BCL11B: variants seen among roughly 807,000 people sequenced by gnomAD.
The protein encoded by BCL11B is BCL11 transcription factor B.
In BCL11B, 8 loss-of-function variants were observed where a neutral mutation model predicts 49.9. That is an observed-to-expected ratio of 0.16 (90% CI 0.09 to 0.29). The LOEUF is 0.29. Among genes scored for constraint, BCL11B ranks in the 10% least tolerant of loss-of-function variants. BCL11B has a pLI of 1.00. For missense variants in BCL11B, 1,006 were observed against 1,351.0 expected, an observed-to-expected ratio of 0.74 and a Z score of 4.00; for synonymous variants, 739 against 637.4, an observed-to-expected ratio of 1.16 and a Z score of -2.40.
intron 3 of BCL11B, among the ~76,000 whole-genome samples, chr14:99,203,548 T>TG (rs1375289881): frequency 6.6e-6 from 1 of 152,222 alleles, no homozygotes; most frequent in African/African-American, 2.4e-5. Context: ...GTCCACTGGC[T>TG]GAGCAGCATT....
At chr14:99,238,352 A>G (rs1338668144) in intron 2 of BCL11B, among the ~76,000 whole-genome samples, 1 of 152,132 alleles carries the variant, frequency 6.6e-6, no homozygotes, top group Non-Finnish European at 1.5e-5. Flanking sequence ...ACGCTTGGGC[A>G]CACCCCTTCC....
intron 2 of BCL11B, among the ~76,000 whole-genome samples, chr14:99,235,740 G>A (rs903260264): frequency 6.6e-6 from 1 of 151,656 alleles, no homozygotes; most frequent in Non-Finnish European, 1.5e-5. Context: ...GCTGGTGGAC[G>A]CTACAGCGGT....
chr14:99,197,823 C>A (rs186454970), intron 3 of BCL11B, among the ~76,000 whole-genome samples: 44 of 152,174 alleles, frequency 2.9e-4, no homozygotes, highest in African/African-American at 1.1e-3. Context: ...CACCAAGTGT[C>A]CCCCTTTCTG....
At chr14:99,269,524 C>CG (rs35131341) in intron 1 of BCL11B, among the ~76,000 whole-genome samples, 41,202 of 150,432 alleles carry the variant, frequency 0.27, 7,351 homozygotes, top group Non-Finnish European at 0.41. Flanking sequence ...TTCCCCCCCC[C>CG]CCAAAAAAAA....
chr14:99,175,206 G>GCTCCTCCTCCTC lies in BCL11B; in HGVS notation c.1618_1629dup (p.Glu540_Glu543dup). ...GGCCGGCTCTCGTTCTCCAGTAGCA[G>GCTCCTCCTCCTC]CTCCTCCTCCTCCTCCTCCTCCTCC... On this transcript the variant is annotated inframe_insertion, in exon 4 of 4. Coordinates refer to ENST00000357195, the MANE Select transcript of BCL11B (RefSeq NM_138576.4). 2 of 1,554,128 alleles carry GCTCCTCCTCCTC rather than the reference G, an allele frequency of 1.3e-6. No individual in the cohort carries two copies. Among genetic ancestry groups the GCTCCTCCTCCTC allele is most frequent in the Admixed American group, 1.9e-5 (1 of 52,506 alleles).
In BCL11B at chr14:99,175,820, G is replaced by A. The variant is rs908746461; in HGVS notation, c.1016C>T (p.Ala339Val). 14 of 1,474,264 alleles carry A rather than the reference G, an allele frequency of 9.5e-6. No individual in the cohort carries two copies. Among genetic ancestry groups the A allele is most frequent in the Non-Finnish European group, 1.3e-5 (14 of 1,119,970 alleles). The allele number at this position is 1,474,264 out of a possible 1,614,324, so 91.3% of individuals were successfully genotyped here. The change falls in exon 4 of 4, where the codon GCC becomes GTC. Residue 339 changes from alanine (A) to valine (V), a missense_variant. Ala to Val is a moderately conservative substitution (Grantham distance 64, BLOSUM62 0). Transcript: ENST00000357195. ...TCGGTCGAAGGCACTGGGGTGCTGG[G>A]CGACGAGCCCCATCTCCTCGGCACT... is the stretch of plus-strand genomic sequence containing the variant. Reference protein sequence around the residue: ...RLSAEEMGLVAQHPSAFDRVM... With the variant: ...RLSAEEMGLVVQHPSAFDRVM...
chr14:99,176,621 C>A (rs967850779), intron 3 of BCL11B, among the ~76,000 whole-genome samples: 17 of 152,218 alleles, frequency 1.1e-4, no homozygotes, highest in Non-Finnish European at 1.9e-4. Context: ...CCGAAACCAT[C>A]TAGGCCAGGG....
At chr14:99,176,231 G>A (rs747018244) in intron 3 of BCL11B, 36 bp from the exon 4 acceptor site, 3 of 1,591,528 alleles carry the variant, frequency 1.9e-6, no homozygotes, top group Non-Finnish European at 1.7e-6. Flanking sequence ...CAGAGACAGC[G>A]TGAGAAGCGG....
intron 3 of BCL11B, among the ~76,000 whole-genome samples, chr14:99,217,035 T>C (rs946066719): frequency 6.6e-6 from 1 of 152,124 alleles, no homozygotes; most frequent in African/African-American, 2.4e-5. Flanking sequence ...TCTACACATA[T>C]ACACATGCAT....
chr14:99,230,713 G>A (rs537140786), intron 3 of BCL11B, among the ~76,000 whole-genome samples: 125 of 152,264 alleles, frequency 8.2e-4, no homozygotes, highest in Middle Eastern at 3.4e-3. Flanking sequence ...AGGATGAGTC[G>A]GCACAAACAG....
intron 2 of BCL11B, among the ~76,000 whole-genome samples, chr14:99,255,406 A>G (rs7159050): frequency 2.9e-3 from 3 of 1,032 alleles, no homozygotes; most frequent in East Asian, 0.02. Context: ...CACAACCTGG[A>G]AAAAAAAAAA....
intron 3 of BCL11B, among the ~76,000 whole-genome samples, chr14:99,185,008 C>G (rs1781866629): frequency 1.3e-5 from 2 of 152,158 alleles, no homozygotes; most frequent in African/African-American, 2.4e-5. Flanking sequence ...GCCAGTGAGT[C>G]TTGGTTTCCT....
Position 99,256,974 on chromosome 14 carries a change from A to G in BCL11B, c.427+497T>C, listed in dbSNP as rs547194402. On this transcript the variant is annotated intron_variant, in intron 2 of 3. Transcript: ENST00000357195. ...GAGAGGGGAGAGAATGAGCACTCCCATTCCTAAGTGCCTACCAGGTCATGC... is the reference window on the plus strand; with the variant it reads ...GAGAGGGGAGAGAATGAGCACTCCCGTTCCTAAGTGCCTACCAGGTCATGC... Among the ~76,000 whole-genome samples the G allele has an allele frequency of 1.6e-3, 248 of 152,264 alleles. 2 individuals carry two copies. Among genetic ancestry groups the G allele is most frequent in the Admixed American group, 0.016 (239 of 15,304 alleles).
chr14:99,224,584 A>G (rs1888106101), intron 3 of BCL11B, among the ~76,000 whole-genome samples: 1 of 152,182 alleles, frequency 6.6e-6, no homozygotes, highest in African/African-American at 2.4e-5. Context: ...GCTTTCCGGC[A>G]TCTCAGCTTT....
rs916986765 is a variant in BCL11B at position 99,257,020 on chromosome 14, T to C, written c.427+451A>G. On this transcript the variant is annotated intron_variant, in intron 2 of 3. Transcript: ENST00000357195. The surrounding 1 kb of genome is among the most constrained non-coding windows in gnomAD (Gnocchi z 6.2). Reference sequence around the variant, plus strand: ...CATGCCGCATGCAACAGCTCATTCGTCCTCACAGCAACCCTAATGAGGTGG... The same window carrying C: ...CATGCCGCATGCAACAGCTCATTCGCCCTCACAGCAACCCTAATGAGGTGG... Among the ~76,000 whole-genome samples the C allele has an allele frequency of 1.1e-4, 17 of 152,250 alleles. No homozygotes were observed. The highest frequency in any genetic ancestry group is 1.8e-4 in the Non-Finnish European group (12 of 68,014).
At chr14:99,244,184 G>A (rs1336229000) in intron 2 of BCL11B, among the ~76,000 whole-genome samples, 4 of 152,046 alleles carry the variant, frequency 2.6e-5, no homozygotes, top group Middle Eastern at 3.2e-3. Context: ...CTGTTGAGCC[G>A]TCAAAATAAA....
At chr14:99,229,725 G>A (rs899946532) in intron 3 of BCL11B, among the ~76,000 whole-genome samples, 4 of 152,144 alleles carry the variant, frequency 2.6e-5, no homozygotes, top group African/African-American at 9.7e-5. Flanking sequence ...TCTGTGCCAC[G>A]GAACTTGACC....
intron 1 of BCL11B, among the ~76,000 whole-genome samples, chr14:99,260,433 C>T (rs1595082648): frequency 2.6e-5 from 4 of 152,210 alleles, no homozygotes; most frequent in South Asian, 2.1e-4. Context: ...CAGCCTCGTC[C>T]GCCCTCCTGA....
At chr14:99,176,895 A>G (rs998808639) in intron 3 of BCL11B, among the ~76,000 whole-genome samples, 4 of 151,968 alleles carry the variant, frequency 2.6e-5, no homozygotes, top group Non-Finnish European at 5.9e-5. Flanking sequence ...ACAGAAACAC[A>G]AATCAAACTG....
Sources: allele counts gnomAD v4.1 joint callset (sites outside exome capture counted in the v4.1 genomes callset), GRCh38; gene constraint gnomAD v4.1.1; non-coding constraint Gnocchi (gnomAD v3.1); transcripts MANE v1.5; gene names NCBI Gene and HGNC (gene_info 2026-07-23, HGNC 2026-07-21).